GUCY1B1: variants seen among roughly 807,000 people sequenced by gnomAD.
GUCY1B1 encodes the protein guanylate cyclase soluble subunit beta-1.
GUCY1B1 carries 43 observed loss-of-function variants against 71.0 expected under a neutral mutation model. The observed-to-expected ratio is 0.61, with a 90% CI of 0.47 to 0.78. GUCY1B1 has a LOEUF of 0.78. Among genes scored for constraint, GUCY1B1 ranks in the 30% least tolerant of loss-of-function variants. The pLI, the probability that GUCY1B1 is intolerant of heterozygous loss-of-function variation, is 0.00. For missense variants in GUCY1B1, 535 were observed against 754.1 expected, an observed-to-expected ratio of 0.71 and a Z score of 3.40; for synonymous variants, 266 against 259.7, an observed-to-expected ratio of 1.02 and a Z score of -0.23.
intron 4 of GUCY1B1, among the ~76,000 whole-genome samples, chr4:155,783,363 G>A (rs1204259057): frequency 6.6e-6 from 1 of 152,214 alleles, no homozygotes; most frequent in Non-Finnish European, 1.5e-5. Context: ...AGCAGCGAAG[G>A]CTGCCAGGTT....
At chr4:155,781,462 T>C (rs1303960641) in intron 4 of GUCY1B1, among the ~76,000 whole-genome samples, 1 of 152,188 alleles carries the variant, frequency 6.6e-6, no homozygotes, top group Non-Finnish European at 1.5e-5. Flanking sequence ...ATGCAGTCTC[T>C]CCTGTGCTTA....
chr4:155,777,523 G>T lies in GUCY1B1; in HGVS notation c.179-1G>T. 6.6e-7 allele frequency: 1 copy of T among 1,505,666 alleles called. No homozygotes were observed. The highest frequency in any genetic ancestry group is 9.2e-7 in the Non-Finnish European group (1 of 1,081,792). The allele number at this position is 1,505,666 out of a possible 1,614,324, so 93.3% of individuals were successfully genotyped here. A position where few individuals can be genotyped will look rare whatever the true frequency, so the allele number is the denominator to read the frequency against. On this transcript the variant is annotated splice_acceptor_variant, in intron 3 of 13. Transcript: ENST00000264424. LOFTEE classifies it high-confidence loss of function. ...TTTCCCCTCTTGAATTTGTAAAATA[G>T]ATCTCAATGCTGGAGAAATCCTCCA...
At chr4:155,788,351 T>G (rs1265569253) in intron 4 of GUCY1B1, among the ~76,000 whole-genome samples, 1 of 152,234 alleles carries the variant, frequency 6.6e-6, no homozygotes, top group African/African-American at 2.4e-5. Flanking sequence ...TTCAACAGTC[T>G]CCTACATCTC....
intron 4 of GUCY1B1, among the ~76,000 whole-genome samples, chr4:155,786,501 A>G (rs1293467483): frequency 1.3e-4 from 14 of 107,370 alleles, no homozygotes; most frequent in South Asian, 3.0e-4. Context: ...ATGGAGTCTC[A>G]CTCTGTCGCC....
intron 2 of GUCY1B1, among the ~76,000 whole-genome samples, chr4:155,767,988 C>A (rs762742841): frequency 6.6e-6 from 1 of 152,086 alleles, no homozygotes; most frequent in South Asian, 2.1e-4. Context: ...ACGACACCTA[C>A]GTACTGTTTT....
At chr4:155,785,737 G>A (rs1738719387) in intron 4 of GUCY1B1, among the ~76,000 whole-genome samples, 1 of 152,094 alleles carries the variant, frequency 6.6e-6, no homozygotes, top group Non-Finnish European at 1.5e-5. Context: ...TTTTGAAAGA[G>A]TAAAGCCAAG....
intron 4 of GUCY1B1, among the ~76,000 whole-genome samples, chr4:155,789,177 TA>T (rs889585224): frequency 6.6e-6 from 1 of 152,256 alleles, no homozygotes; most frequent in Non-Finnish European, 1.5e-5. Flanking sequence ...TTTTAGTTTC[TA>T]AAATAGATTT....
intron 11 of GUCY1B1, 87 bp from the exon 12 acceptor site, chr4:155,804,506 G>T (rs565612804): frequency 2.0e-6 from 2 of 1,021,410 alleles, no homozygotes; most frequent in African/African-American, 1.6e-5. Context: ...TTCTGCACCT[G>T]TATGCCAGAA....
chr4:155,786,886 G>C (rs1738836322), intron 4 of GUCY1B1, among the ~76,000 whole-genome samples: 1 of 152,086 alleles, frequency 6.6e-6, no homozygotes, highest in African/African-American at 2.4e-5. Context: ...TGGGATTACA[G>C]GTGTGAGAGC....
At chr4:155,794,513 T>C (rs970036978) in intron 6 of GUCY1B1, among the ~76,000 whole-genome samples, 3 of 152,110 alleles carry the variant, frequency 2.0e-5, no homozygotes, top group Non-Finnish European at 4.4e-5. Context: ...CACAAAATGA[T>C]AGAGATGATG....
At chr4:155,770,902 C>A (rs1459237540) in intron 2 of GUCY1B1, among the ~76,000 whole-genome samples, 1 of 152,136 alleles carries the variant, frequency 6.6e-6, no homozygotes, top group African/African-American at 2.4e-5. Context: ...CCTGTAGTAT[C>A]TATTGCTTCA....
At chr4:155,779,418 TATTG>T (rs1738268863) in intron 4 of GUCY1B1, among the ~76,000 whole-genome samples, 1 of 152,252 alleles carries the variant, frequency 6.6e-6, no homozygotes, top group African/African-American at 2.4e-5. Flanking sequence ...CACAATTTTA[TATTG>T]ATTGATTTCA....
intron 7 of GUCY1B1, 65 bp downstream of exon 7, chr4:155,795,522 G>T (rs1739487081): frequency 2.7e-6 from 2 of 749,558 alleles, no homozygotes; most frequent in Non-Finnish European, 4.6e-6. Flanking sequence ...TATTCAGGGG[G>T]GAAAATTATC....
At chr4:155,791,105 C>G (rs1035838524) in intron 5 of GUCY1B1, among the ~76,000 whole-genome samples, 1 of 151,586 alleles carries the variant, frequency 6.6e-6, no homozygotes, top group Non-Finnish European at 1.5e-5. Context: ...TAGTATATAC[C>G]TCACATTTCC....
chr4:155,777,651 T>A lies in GUCY1B1; in HGVS notation c.297+9T>A. Reference sequence around the variant, plus strand: ...TCAGAGAATTTCTACAGGTAAGCAATTTGAGGTCCTATAGTTAAAAGTTCT... The same window carrying A: ...TCAGAGAATTTCTACAGGTAAGCAAATTGAGGTCCTATAGTTAAAAGTTCT... On this transcript the variant is annotated intron_variant, in intron 4 of 13. Coordinates refer to ENST00000264424, the MANE Select transcript of GUCY1B1 (RefSeq NM_000857.5). 1 of 1,279,684 alleles carries A rather than the reference T, an allele frequency of 7.8e-7. No homozygotes were observed. 79.3% of individuals were successfully genotyped at this position (1,279,684 alleles called of 1,614,324 possible).
chr4:155,774,341 A>G (rs1449579836), intron 2 of GUCY1B1, among the ~76,000 whole-genome samples: 2 of 152,056 alleles, frequency 1.3e-5, no homozygotes, highest in African/African-American at 4.8e-5. Flanking sequence ...CCCTCTGCCC[A>G]GAACACAATC....
chr4:155,775,335 G>C (rs1469027309), intron 3 of GUCY1B1, among the ~76,000 whole-genome samples: 1 of 152,160 alleles, frequency 6.6e-6, no homozygotes, highest in African/African-American at 2.4e-5. Flanking sequence ...TGTCACCCAG[G>C]CTGCACTGCA....
In GUCY1B1 at chr4:155,777,363, T is replaced by C. The variant is rs186120883; in HGVS notation, c.179-161T>C. 1.4e-4 allele frequency among the ~76,000 whole-genome samples: 21 copies of C among 152,360 alleles called. No homozygotes were observed. The East Asian group carries it at 3.5e-3, about 25-fold the overall frequency. ...TTATACGTTGTCTTCTCTGATTTCA[T>C]TGTATTGTCCTGGCGGGATTTTTTT... On this transcript the variant is annotated intron_variant, in intron 3 of 13. Transcript: ENST00000264424.
chr4:155,799,518 AT>A (rs893915254), intron 8 of GUCY1B1, among the ~76,000 whole-genome samples: 2 of 152,154 alleles, frequency 1.3e-5, no homozygotes, highest in African/African-American at 2.4e-5. Context: ...ATAAAGATAG[AT>A]TTTTTTCCTC....
Sources: allele counts gnomAD v4.1 joint callset (sites outside exome capture counted in the v4.1 genomes callset), GRCh38; gene constraint gnomAD v4.1.1; transcripts MANE v1.5; gene names NCBI Gene and HGNC (gene_info 2026-07-23, HGNC 2026-07-21).